GPHN: variants seen among roughly 807,000 people sequenced by gnomAD.
GPHN encodes the protein gephyrin.
In GPHN, 17 loss-of-function variants were observed where a neutral mutation model predicts 95.5. The observed-to-expected ratio is 0.18, with a 90% CI of 0.12 to 0.27. The LOEUF is 0.27. Among genes scored for constraint, GPHN ranks in the 10% least tolerant of loss-of-function variants. The pLI, the probability that GPHN is intolerant of heterozygous loss-of-function variation, is 1.00. For missense variants in GPHN, 660 were observed against 978.1 expected (o/e 0.67, Z 4.34); for synonymous variants, 320 against 322.5 (o/e 0.99, Z 0.08).
chr14:67,170,909 T>G (rs2082563601), intron 21 of GPHN, among the ~76,000 whole-genome samples: 1 of 152,254 alleles, frequency 6.6e-6, no homozygotes, highest in South Asian at 2.1e-4. Context: ...CACACACCAC[T>G]TATTACTGTT....
At chr14:66,874,629 G>A (rs192525485) in intron 4 of GPHN, among the ~76,000 whole-genome samples, 8 of 152,122 alleles carry the variant, frequency 5.3e-5, no homozygotes, top group East Asian at 3.9e-4. Context: ...ATCAATAGCC[G>A]AATCAATCAA....
the GPHN span, among the ~76,000 whole-genome samples, chr14:67,483,247 G>A: frequency 6.6e-6 from 1 of 152,168 alleles, no homozygotes; most frequent in Non-Finnish European, 1.5e-5. Context: ...CTGACCTCAA[G>A]TGATCTGCCT....
At chr14:67,357,857 T>G in the GPHN span, among the ~76,000 whole-genome samples, 2 of 152,170 alleles carry the variant, frequency 1.3e-5, no homozygotes, top group Non-Finnish European at 2.9e-5. Context: ...TTCTATCCTC[T>G]CACACAGACT....
chr14:66,744,233 C>CT, intron 2 of GPHN, among the ~76,000 whole-genome samples: 1 of 152,272 alleles, frequency 6.6e-6, no homozygotes, highest in Non-Finnish European at 1.5e-5. Flanking sequence ...TATTACGCTA[C>CT]TTTCTTTTCC....
intron 1 of GPHN, among the ~76,000 whole-genome samples, chr14:66,531,720 A>G (rs948889194): frequency 3.9e-5 from 6 of 152,204 alleles, no homozygotes; most frequent in Non-Finnish European, 8.8e-5. Context: ...TGTACTTTGC[A>G]TGGTGTTAGG....
chr14:67,644,627 G>C, the GPHN span, among the ~76,000 whole-genome samples: 1 of 152,166 alleles, frequency 6.6e-6, no homozygotes, highest in Non-Finnish European at 1.5e-5. Flanking sequence ...TGTATTCTTA[G>C]AATTGAGACA....
At chr14:67,503,115 C>T in the GPHN span, among the ~76,000 whole-genome samples, 14 of 152,144 alleles carry the variant, frequency 9.2e-5, no homozygotes, top group Non-Finnish European at 1.8e-4. Flanking sequence ...AGATCAGGAT[C>T]TGTGTTTGCC....
chr14:67,303,509 C>T, the GPHN span: 1 of 1,599,572 alleles, frequency 6.3e-7, no homozygotes, highest in South Asian at 1.1e-5. Context: ...ATAACCTGAT[C>T]TTTCTATTAC....
At chr14:67,115,203 G>A (rs2078606646) in intron 16 of GPHN, among the ~76,000 whole-genome samples, 1 of 151,586 alleles carries the variant, frequency 6.6e-6, no homozygotes, top group Admixed American at 6.6e-5. Flanking sequence ...CAGATAATTG[G>A]GTACCTCTGT....
chr14:67,121,289 T>A (rs1168962867), intron 16 of GPHN, among the ~76,000 whole-genome samples: 1 of 152,194 alleles, frequency 6.6e-6, no homozygotes, highest in African/African-American at 2.4e-5. Context: ...ATAGTCTATG[T>A]TCACATTATA....
At chr14:67,470,289 A>AT in the GPHN span, 1 of 152,254 alleles carries the variant, frequency 6.6e-6, no homozygotes, top group Non-Finnish European at 1.5e-5. Context: ...ACACCAGTAT[A>AT]TTTTATGTGC....
intron 3 of GPHN, among the ~76,000 whole-genome samples, chr14:66,790,784 C>G (rs2059943582): frequency 6.6e-6 from 1 of 152,202 alleles, no homozygotes; most frequent in Non-Finnish European, 1.5e-5. Flanking sequence ...ATGAAAAGTT[C>G]AGGCAGCCAC....
At chr14:67,601,257 G>A in the GPHN span, among the ~76,000 whole-genome samples, 1 of 152,180 alleles carries the variant, frequency 6.6e-6, no homozygotes, top group Non-Finnish European at 1.5e-5. Context: ...GAAAGACCAG[G>A]AAAGGCAAAC....
intron 2 of GPHN, among the ~76,000 whole-genome samples, chr14:66,717,407 T>A (rs2070287925): frequency 6.6e-6 from 1 of 152,202 alleles, no homozygotes; most frequent in South Asian, 2.1e-4. Flanking sequence ...ACTTCTTATA[T>A]CATTTTTTTT....
the GPHN span, among the ~76,000 whole-genome samples, chr14:67,701,644 G>A: frequency 1.3e-5 from 2 of 151,752 alleles, no homozygotes; most frequent in African/African-American, 2.4e-5. Flanking sequence ...TGCTGGTCTC[G>A]AACTCCTGAC....
intron 3 of GPHN, among the ~76,000 whole-genome samples, chr14:66,821,854 T>C (rs555012224): frequency 6.6e-6 from 1 of 152,324 alleles, no homozygotes; most frequent in South Asian, 2.1e-4. Flanking sequence ...AGATAACAAA[T>C]GTTATTCAAG....
chr14:66,895,769 T>C (rs1333756952), intron 5 of GPHN, among the ~76,000 whole-genome samples: 2 of 152,098 alleles, frequency 1.3e-5, no homozygotes, highest in East Asian at 3.9e-4. Context: ...TTTAAAGATA[T>C]ACTCTGGCAG....
chr14:67,325,712 GCA>G, the GPHN span, among the ~76,000 whole-genome samples: 4 of 152,152 alleles, frequency 2.6e-5, no homozygotes, highest in East Asian at 1.9e-4. Context: ...TTCCTAACAT[GCA>G]CACTTATTTC....
the GPHN span, chr14:67,343,471 A>G: frequency 1.4e-6 from 2 of 1,438,572 alleles, no homozygotes; most frequent in Admixed American, 1.7e-5. Flanking sequence ...ATGTAAGCAC[A>G]AAGTCTTCCT....
Sources: gnomAD v4.1 joint callset for allele counts (sites outside exome capture counted in the v4.1 genomes callset) on GRCh38, gnomAD v4.1.1 for gene constraint, MANE v1.5 for transcripts, NCBI Gene and HGNC (gene_info 2026-07-23, HGNC 2026-07-21) for gene names.